CTNNA3: variants seen among roughly 807,000 people sequenced by gnomAD.
The protein encoded by CTNNA3 is catenin alpha-3.
CTNNA3 carries 76 observed loss-of-function variants against 95.7 expected under a neutral mutation model. The ratio of observed to expected loss-of-function variants is 0.79; its 90% CI spans 0.66 to 0.96. The LOEUF is 0.96. Among genes scored for constraint, CTNNA3 ranks in the 40% least tolerant of loss-of-function variants. The probability of loss-of-function intolerance (pLI) is 0.00; values close to 1 mark genes in which losing one functional copy is unlikely to be tolerated. For synonymous variants in CTNNA3, 431 were observed against 374.4 expected, an observed-to-expected ratio of 1.15 and a Z score of -1.74; for missense variants, 1,191 against 1,089.8, an observed-to-expected ratio of 1.09 and a Z score of -1.31.
chr10:67,628,264 G>C (rs74142861), intron 2 of CTNNA3, among the ~76,000 whole-genome samples: 1 of 113,994 alleles, frequency 8.8e-6, no homozygotes, highest in Non-Finnish European at 1.7e-5. Flanking sequence ...AAAAAAAAAA[G>C]GGGAGAAACA....
intron 1 of CTNNA3, among the ~76,000 whole-genome samples, chr10:67,717,613 T>C (rs1052285031): frequency 6.6e-6 from 1 of 151,866 alleles, no homozygotes; most frequent in Non-Finnish European, 1.5e-5. Context: ...GGTTTGTCAA[T>C]GATCAGATGG....
chr10:67,436,806 CA>C (rs1435953979), intron 5 of CTNNA3, among the ~76,000 whole-genome samples: 1 of 151,812 alleles, frequency 6.6e-6, no homozygotes, highest in Non-Finnish European at 1.5e-5. Flanking sequence ...TGGCCATAAG[CA>C]AAAAATCAAA....
intron 7 of CTNNA3, among the ~76,000 whole-genome samples, chr10:66,934,858 G>T (rs552417355): frequency 6.6e-6 from 1 of 152,112 alleles, no homozygotes; most frequent in Non-Finnish European, 1.5e-5. Flanking sequence ...ATGCAGGGTG[G>T]AAAATACATT....
At chr10:66,506,550 C>A (rs1046368642) in intron 11 of CTNNA3, among the ~76,000 whole-genome samples, 1 of 152,114 alleles carries the variant, frequency 6.6e-6, no homozygotes, top group African/African-American at 2.4e-5. Flanking sequence ...CCTGACAGTA[C>A]AGCAGCATTA....
At chr10:67,633,940 G>C (rs1459863969) in intron 2 of CTNNA3, among the ~76,000 whole-genome samples, 2 of 152,124 alleles carry the variant, frequency 1.3e-5, no homozygotes, top group African/African-American at 4.8e-5. Context: ...CCCCAACCTA[G>C]CAAAACAGGC....
At chr10:66,696,689 T>C (rs1434117015) in intron 9 of CTNNA3, among the ~76,000 whole-genome samples, 1 of 152,026 alleles carries the variant, frequency 6.6e-6, no homozygotes, top group Admixed American at 6.6e-5. Context: ...TCCCAACACT[T>C]TGGGAGGCCC....
chr10:67,281,614 TAA>T (rs1273778643), intron 5 of CTNNA3, among the ~76,000 whole-genome samples: 1 of 152,156 alleles, frequency 6.6e-6, no homozygotes, highest in Non-Finnish European at 1.5e-5. Flanking sequence ...CCTTATTAGT[TAA>T]GTTTATTTGG....
intron 1 of CTNNA3, among the ~76,000 whole-genome samples, chr10:67,723,797 A>G (rs1360965979): frequency 6.6e-6 from 1 of 151,878 alleles, no homozygotes; most frequent in Non-Finnish European, 1.5e-5. Context: ...AGCAGACCAC[A>G]ATTCTCTCAT....
intron 9 of CTNNA3, among the ~76,000 whole-genome samples, chr10:66,697,837 G>A (rs1174046567): frequency 6.6e-6 from 1 of 152,098 alleles, no homozygotes; most frequent in Non-Finnish European, 1.5e-5. Flanking sequence ...TGTATAAACT[G>A]TGCTAGCATA....
intron 11 of CTNNA3, among the ~76,000 whole-genome samples, chr10:66,515,900 G>C (rs77144203): frequency 6.6e-6 from 1 of 151,966 alleles, no homozygotes; most frequent in African/African-American, 2.4e-5. Flanking sequence ...ATGAGATTTT[G>C]GTGGGGACAT....
intron 3 of CTNNA3, among the ~76,000 whole-genome samples, chr10:67,551,138 C>G (rs1485519653): frequency 6.6e-6 from 1 of 152,026 alleles, no homozygotes; most frequent in Non-Finnish European, 1.5e-5. Context: ...TAAAAACTCC[C>G]GAGACTCTGG....
chr10:65,988,761 G>A lies in CTNNA3; in HGVS notation c.2196C>T (p.Ile732=). 6.2e-7 allele frequency: 1 copy of A among 1,613,912 alleles called. No individual in the cohort carries two copies. Among genetic ancestry groups the A allele is most frequent in the Non-Finnish European group, 8.5e-7 (1 of 1,179,910 alleles). ...KGPLKHTTDV[I]YAAKMISESG... ...ATTCTGATATCATTTTCGCTGCATA[G>A]ATCACATCAGTTGTATGCTTTAGTG... is the stretch of plus-strand genomic sequence containing the variant. Residue 732 remains isoleucine (I), a synonymous_variant, in exon 16 of 18, where the codon ATC becomes ATT. Transcript: ENST00000433211.
chr10:66,780,400 C>T (rs929266097), intron 7 of CTNNA3, among the ~76,000 whole-genome samples: 4 of 86,400 alleles, frequency 4.6e-5, no homozygotes, highest in African/African-American at 1.6e-4. Flanking sequence ...CTTAAGGACT[C>T]TATAATAGAG....
At chr10:66,232,819 G>T (rs1414727879) in intron 13 of CTNNA3, among the ~76,000 whole-genome samples, 1 of 152,082 alleles carries the variant, frequency 6.6e-6, no homozygotes, top group Non-Finnish European at 1.5e-5. Context: ...ATATCCACAT[G>T]GGGAAAATTG....
intron 5 of CTNNA3, among the ~76,000 whole-genome samples, chr10:67,488,490 C>A (rs1848529872): frequency 6.6e-6 from 1 of 151,938 alleles, no homozygotes; most frequent in Non-Finnish European, 1.5e-5. Flanking sequence ...CTGCCTCAGC[C>A]CCCTGAGTAG....
intron 1 of CTNNA3, among the ~76,000 whole-genome samples, chr10:67,684,140 G>A (rs754708185): frequency 2.6e-5 from 4 of 152,146 alleles, no homozygotes; most frequent in African/African-American, 7.2e-5. Flanking sequence ...TTTACAGAGC[G>A]CTGATTGGTC....
At chr10:67,727,656 TATGATATATAATATAATATATA>T (rs1841245753) in intron 1 of CTNNA3, among the ~76,000 whole-genome samples, 1 of 127,820 alleles carries the variant, frequency 7.8e-6, no homozygotes, top group South Asian at 2.2e-4. Flanking sequence ...TTATATTATA[TATGATATATAATATAATATATA>T]AATATATAAT....
intron 9 of CTNNA3, among the ~76,000 whole-genome samples, chr10:66,652,955 A>G (rs980591691): frequency 3.3e-5 from 5 of 152,162 alleles, no homozygotes; most frequent in African/African-American, 1.2e-4. Context: ...AATAAAAATT[A>G]TCAAAAAATT....
At chr10:66,015,920 A>C (rs577505289) in intron 15 of CTNNA3, among the ~76,000 whole-genome samples, 1 of 152,212 alleles carries the variant, frequency 6.6e-6, no homozygotes, top group South Asian at 2.1e-4. Context: ...TTTAGCAAGT[A>C]TGATACTAAA....
Sources: gnomAD v4.1 joint callset for allele counts (sites outside exome capture counted in the v4.1 genomes callset) on GRCh38, gnomAD v4.1.1 for gene constraint, MANE v1.5 for transcripts, NCBI Gene and HGNC (gene_info 2026-07-23, HGNC 2026-07-21) for gene names.